PTPN4: variants seen among roughly 807,000 people sequenced by gnomAD.
PTPN4 encodes the protein protein tyrosine phosphatase non-receptor type 4.
In PTPN4, 49 loss-of-function variants were observed where a neutral mutation model predicts 135.5. The observed-to-expected ratio is 0.36, with a 90% CI of 0.29 to 0.46. The LOEUF is 0.46. Among genes scored for constraint, PTPN4 ranks in the 20% least tolerant of loss-of-function variants. The pLI, the probability that PTPN4 is intolerant of heterozygous loss-of-function variation, is 1.00. For missense variants in PTPN4, 860 were observed against 1,101.0 expected, an observed-to-expected ratio of 0.78 and a Z score of 3.10; for synonymous variants, 333 against 369.9, an observed-to-expected ratio of 0.90 and a Z score of 1.14.
chr2:119,841,127 G>A (rs1023004796), intron 2 of PTPN4, among the ~76,000 whole-genome samples: 4 of 150,856 alleles, frequency 2.7e-5, no homozygotes, highest in South Asian at 2.1e-4. Flanking sequence ...CTTTTGTTGC[G>A]ATTGCTTTTG....
chr2:119,880,390 A>G (rs192559947), intron 5 of PTPN4, among the ~76,000 whole-genome samples: 209 of 152,240 alleles, frequency 1.4e-3, no homozygotes, highest in African/African-American at 4.9e-3. Flanking sequence ...AATCCTGACT[A>G]TAAGATTGTT....
intron 2 of PTPN4, among the ~76,000 whole-genome samples, chr2:119,830,115 G>A (rs1307414574): frequency 3.3e-5 from 5 of 152,102 alleles, no homozygotes; most frequent in South Asian, 2.1e-4. Context: ...AGTCACAAAG[G>A]TGTGTATTCC....
At chr2:119,766,461 T>TC (rs1558718933) in intron 1 of PTPN4, among the ~76,000 whole-genome samples, 21 of 136,288 alleles carry the variant, frequency 1.5e-4, no homozygotes, top group African/African-American at 5.8e-4. Context: ...TGTGTGTGTG[T>TC]GTGTGTGTGT....
chr2:119,790,022 C>T (rs573777443), intron 1 of PTPN4, among the ~76,000 whole-genome samples: 2 of 152,270 alleles, frequency 1.3e-5, no homozygotes, highest in African/African-American at 4.8e-5. Flanking sequence ...GCCACTGCAC[C>T]TGGCCACCTG....
At chr2:119,801,176 CT>C (rs1179519383) in intron 1 of PTPN4, among the ~76,000 whole-genome samples, 1 of 152,196 alleles carries the variant, frequency 6.6e-6, no homozygotes, top group Admixed American at 6.5e-5. Flanking sequence ...GAAGCTCCGC[CT>C]CCTGGGTTCA....
At chr2:119,766,703 A>T (rs1558719066) in intron 1 of PTPN4, among the ~76,000 whole-genome samples, 1 of 152,202 alleles carries the variant, frequency 6.6e-6, no homozygotes, top group Non-Finnish European at 1.5e-5. Flanking sequence ...TAATGCAAGG[A>T]TGAGGTTAGA....
chr2:119,941,178 T>TA (rs1679057241), intron 15 of PTPN4, among the ~76,000 whole-genome samples: 1 of 152,230 alleles, frequency 6.6e-6, no homozygotes, highest in Non-Finnish European at 1.5e-5. Context: ...AATGTATCAT[T>TA]TCTAATTATA....
chr2:119,960,342 A>G (rs1679348699), intron 22 of PTPN4, among the ~76,000 whole-genome samples: 2 of 152,262 alleles, frequency 1.3e-5, no homozygotes, highest in Admixed American at 6.5e-5. Context: ...AAGTTACTTT[A>G]TATGTAAAAA....
chr2:119,900,354 C>G (rs1678385282), intron 9 of PTPN4, among the ~76,000 whole-genome samples: 1 of 152,034 alleles, frequency 6.6e-6, no homozygotes, highest in South Asian at 2.1e-4. Flanking sequence ...ATCACAGTTA[C>G]TTAGTAAATG....
Position 119,760,109 on chromosome 2 carries a change from G to T in PTPN4, c.-293G>T, listed in dbSNP as rs540900152. 7.7e-6 allele frequency: 3 copies of T among 389,120 alleles called. No individual in the cohort carries two copies. The highest frequency in any genetic ancestry group is 2.1e-5 in the African/African-American group (1 of 48,334). The allele number at this position is 389,120 out of a possible 1,614,324, so 24.1% of individuals were successfully genotyped here. On this transcript the variant is annotated 5_prime_UTR_variant, in exon 1 of 27. Coordinates refer to ENST00000263708, the MANE Select transcript of PTPN4 (RefSeq NM_002830.4). ...CAGGCCCCCTCCCCCACGCACTTTT[G>T]GGGGTGTGGATTATCTCATCCCTGC...
chr2:119,778,548 T>C (rs1466299585), intron 1 of PTPN4, among the ~76,000 whole-genome samples: 1 of 152,180 alleles, frequency 6.6e-6, no homozygotes, highest in Non-Finnish European at 1.5e-5. Flanking sequence ...GAGAACTCTG[T>C]AGGGCCTTAG....
intron 11 of PTPN4, among the ~76,000 whole-genome samples, chr2:119,916,963 A>G (rs1169230274): frequency 6.6e-6 from 1 of 152,194 alleles, no homozygotes; most frequent in Non-Finnish European, 1.5e-5. Context: ...AATGCTGCTA[A>G]TGGAAATTAT....
chr2:119,900,532 T>G (rs535970219), intron 9 of PTPN4, among the ~76,000 whole-genome samples, 186 bp from the exon 10 acceptor site: 2 of 152,266 alleles, frequency 1.3e-5, no homozygotes, highest in Admixed American at 1.3e-4. Flanking sequence ...TTCAGTTTGG[T>G]TTAAAATTTG....
Position 119,832,061 on chromosome 2 carries a change from A to G in PTPN4, c.138+22070A>G, listed in dbSNP as rs372112081. On this transcript the variant is annotated intron_variant, in intron 2 of 26. Transcript: ENST00000263708. ...CTTTTATTCTGTGAGAATAGCTCAT[A>G]GAAAGCTTGTGGGTCTCTTATTGTA... Among the ~76,000 whole-genome samples the G allele has an allele frequency of 8.5e-5, 13 of 152,306 alleles. No individual in the cohort carries two copies. In the East Asian group the frequency reaches 2.3e-3, roughly 27 times the overall value.
At chr2:119,964,942 T>TA (rs1679424795) in intron 24 of PTPN4, among the ~76,000 whole-genome samples, 1 of 152,034 alleles carries the variant, frequency 6.6e-6, no homozygotes, top group South Asian at 2.1e-4. Flanking sequence ...ATGCAGCAGA[T>TA]AAAGAGTTTA....
intron 20 of PTPN4, 108 bp downstream of exon 20, chr2:119,955,431 T>C: frequency 1.0e-6 from 1 of 978,430 alleles, no homozygotes; most frequent in Non-Finnish European, 1.3e-6. Context: ...ACTAAAATGA[T>C]ATTCTGAGAA....
chr2:119,815,551 TATTG>T, intron 2 of PTPN4, among the ~76,000 whole-genome samples: 1 of 152,336 alleles, frequency 6.6e-6, no homozygotes, highest in Middle Eastern at 3.4e-3. Context: ...TTACTGGCAG[TATTG>T]ATTAAAAATA....
In PTPN4 at chr2:119,818,483, C is replaced by T. The variant is rs1677021156; in HGVS notation, c.138+8492C>T. 2.0e-5 allele frequency among the ~76,000 whole-genome samples: 3 copies of T among 152,094 alleles called. No individual in the cohort carries two copies. The South Asian group carries it at 6.2e-4, about 32-fold the overall frequency. ...AAGGTTATTGTTTTTGCTATGTTGC[C>T]CAGGCTGGTCTTGAACTCCTGGCCT... On this transcript the variant is annotated intron_variant, in intron 2 of 26. Transcript: ENST00000263708.
At chr2:119,775,035 C>A (rs1394673528) in intron 1 of PTPN4, among the ~76,000 whole-genome samples, 9 of 120,866 alleles carry the variant, frequency 7.4e-5, no homozygotes, top group East Asian at 2.6e-4. Flanking sequence ...AAAAGAAAAT[C>A]ATTGAGGAGA....
Sources: allele counts gnomAD v4.1 joint callset (sites outside exome capture counted in the v4.1 genomes callset), GRCh38; gene constraint gnomAD v4.1.1; transcripts MANE v1.5; gene names NCBI Gene and HGNC (gene_info 2026-07-23, HGNC 2026-07-21).